The following CDKN2A variants were observed in gnomAD, a reference collection of about 807,000 sequenced individuals.
The protein encoded by CDKN2A is cyclin-dependent kinase inhibitor 2A.
A neutral mutation model predicts 11.1 loss-of-function variants in CDKN2A; 3 were observed. That is an observed-to-expected ratio of 0.27 (90% CI 0.12 to 0.70). The LOEUF is 0.70. CDKN2A is among the 30% of genes least tolerant of loss of function. CDKN2A has a pLI of 0.77. For missense variants in CDKN2A, 265 were observed against 233.6 expected, an observed-to-expected ratio of 1.13 and a Z score of -0.88; for synonymous variants, 122 against 108.1, an observed-to-expected ratio of 1.13 and a Z score of -0.80.
chr9:21,986,755 T>A (rs557334066), intron 2 of CDKN2A, among the ~76,000 whole-genome samples: 4 of 152,124 alleles, frequency 2.6e-5, no homozygotes, highest in African/African-American at 4.8e-5. Flanking sequence ...AAAGTTTCAA[T>A]AAGCTTTTAA....
upstream of CDKN2A, among the ~76,000 whole-genome samples, chr9:21,976,288 A>T (rs1162027886): frequency 6.6e-6 from 1 of 151,426 alleles, no homozygotes; most frequent in Non-Finnish European, 1.5e-5. Context: ...CTGAGGCAGG[A>T]GAATCGCTTG....
intron 2 of CDKN2A, among the ~76,000 whole-genome samples, chr9:21,986,934 T>A (rs1409295331): frequency 6.6e-6 from 1 of 152,012 alleles, no homozygotes; most frequent in Non-Finnish European, 1.5e-5. Flanking sequence ...GAGAGAGTTA[T>A]ACAATTGCTG....
intron 2 of CDKN2A, among the ~76,000 whole-genome samples, chr9:21,981,749 G>A (rs1230021007): frequency 6.6e-6 from 1 of 151,848 alleles, no homozygotes; most frequent in African/African-American, 2.4e-5. Flanking sequence ...AAGCTGCCCC[G>A]GATAAAAATT....
chr9:21,971,321 C>G, intron 1 of CDKN2A, 113 bp from the exon 2 acceptor site: 1 of 1,524,986 alleles, frequency 6.6e-7, no homozygotes, highest in Non-Finnish European at 8.8e-7. Context: ...CCCCAGGTGT[C>G]TAATTACCCC....
upstream of CDKN2A, among the ~76,000 whole-genome samples, chr9:21,975,920 G>A (rs576355834): frequency 6.6e-6 from 1 of 152,268 alleles, no homozygotes; most frequent in East Asian, 1.9e-4. Context: ...AGGGGGAAGG[G>A]AATATGAGTG....
At chr9:21,970,400 G>A (rs1223926984) in intron 2 of CDKN2A, 2 of 301,506 alleles carry the variant, frequency 6.6e-6, no homozygotes, top group Non-Finnish European at 1.2e-5. Flanking sequence ...GATTAGCTGA[G>A]GAGGGTCAGA....
chr9:21,977,347 T>C (rs1277046098), upstream of CDKN2A, among the ~76,000 whole-genome samples: 1 of 152,046 alleles, frequency 6.6e-6, no homozygotes, highest in Non-Finnish European at 1.5e-5. Flanking sequence ...GTTCTTTCTT[T>C]TTGTTTGTTT....
rs775968367 is a variant in CDKN2A at position 21,974,837 on chromosome 9, C to G, written c.-10G>C. 18 of 1,574,524 alleles carry G rather than the reference C, an allele frequency of 1.1e-5. No homozygotes were observed. The South Asian group carries it at 1.9e-4, about 17-fold the overall frequency. ...CCGCCGCCGGCTCCATGCTGCTCCC[C>G]GCCGCCCGCTGCCTGCTCTCCCCCT... On this transcript the variant is annotated 5_prime_UTR_variant, in exon 1 of 3. Coordinates refer to ENST00000304494, the MANE Select transcript of CDKN2A (RefSeq NM_000077.5). The surrounding 1 kb of genome is among the most constrained non-coding windows in gnomAD (Gnocchi z 5.2).
chr9:21,971,949 C>T (rs1819785828), intron 1 of CDKN2A, among the ~76,000 whole-genome samples: 1 of 151,990 alleles, frequency 6.6e-6, no homozygotes, highest in African/African-American at 2.4e-5. Flanking sequence ...TCAAAAAAAA[C>T]AATCAAACTT....
At chr9:21,992,486 T>A in intron 2 of CDKN2A, 1 of 851,740 alleles carries the variant, frequency 1.2e-6, no homozygotes, top group Non-Finnish European at 1.4e-6. Flanking sequence ...TATACCTAAA[T>A]AACAAAAAAT....
chr9:21,982,279 C>T (rs1057455620), intron 2 of CDKN2A, among the ~76,000 whole-genome samples: 3 of 152,140 alleles, frequency 2.0e-5, no homozygotes, highest in African/African-American at 4.8e-5. Flanking sequence ...CTATTATCAT[C>T]TTCCCAAGAA....
intron 2 of CDKN2A, among the ~76,000 whole-genome samples, chr9:21,984,935 A>G (rs1820269473): frequency 6.6e-6 from 1 of 152,000 alleles, no homozygotes; most frequent in Non-Finnish European, 1.5e-5. Flanking sequence ...AAAGATTGCA[A>G]GAAAATTTTC....
chr9:21,993,178 T>C (rs1277703634), intron 2 of CDKN2A, among the ~76,000 whole-genome samples: 2 of 152,248 alleles, frequency 1.3e-5, no homozygotes. Context: ...AGGACGGTCA[T>C]AAAAGTGAAG....
chr9:21,990,715 G>C (rs911144727), intron 2 of CDKN2A, among the ~76,000 whole-genome samples: 1 of 148,304 alleles, frequency 6.7e-6, no homozygotes, highest in Non-Finnish European at 1.5e-5. Context: ...TCATTTAACA[G>C]TCTATGAAAT....
upstream of CDKN2A, chr9:21,975,192 C>G: frequency 9.1e-7 from 1 of 1,104,462 alleles, no homozygotes; most frequent in Non-Finnish European, 1.1e-6. Flanking sequence ...CCCCCCACAC[C>G]GCCCTCCGGC....
At chr9:21,993,480 A>G (rs1820486863) in intron 2 of CDKN2A, among the ~76,000 whole-genome samples, 1 of 152,212 alleles carries the variant, frequency 6.6e-6, no homozygotes, top group Non-Finnish European at 1.5e-5. Context: ...TGTCCCGAGC[A>G]GTTTCAATCA....
upstream of CDKN2A, among the ~76,000 whole-genome samples, chr9:21,976,105 G>C (rs899897623): frequency 3.3e-5 from 5 of 152,084 alleles, no homozygotes; most frequent in Admixed American, 6.5e-5. Context: ...GGAGCAGGAC[G>C]CGGTGGCTCA....
At chr9:21,970,630 G>C in intron 2 of CDKN2A, 1 of 604,086 alleles carries the variant, frequency 1.7e-6, no homozygotes, top group Non-Finnish European at 2.9e-6. Context: ...CCTTGAACTA[G>C]CAGAGGGTAG....
chr9:21,994,443 C>T lies in CDKN2A; in HGVS notation c.-176+378G>A, dbSNP rs71506711. On this transcript the variant is annotated intron_variant, in intron 1 of 3. Coordinates refer to the CDKN2A transcript ENST00000494262. ...ACTGCAGACTGGGACCCACGCACCG[C>T]CCCCTGCCCATCTCCGCCCCGCAGG... is the stretch of plus-strand genomic sequence containing the variant. 5.1e-6 allele frequency: 8 copies of T among 1,560,958 alleles called. No homozygotes were observed. In the East Asian group the frequency reaches 1.6e-4, roughly 31 times the overall value.
Sources: gnomAD v4.1 joint callset for allele counts (sites outside exome capture counted in the v4.1 genomes callset) on GRCh38, gnomAD v4.1.1 for gene constraint, Gnocchi (gnomAD v3.1) non-coding constraint, MANE v1.5 for transcripts, NCBI Gene and HGNC (gene_info 2026-07-23, HGNC 2026-07-21) for gene names.